Variants in TBX4 observed in about 807,000 individuals in gnomAD.
The protein encoded by TBX4 is T-box transcription factor 4.
TBX4 carries 13 observed loss-of-function variants against 54.6 expected under a neutral mutation model. That is an observed-to-expected ratio of 0.24 (90% CI 0.15 to 0.38). The LOEUF is 0.38. Ranked by LOEUF, TBX4 falls within the 10% of genes least tolerant of loss-of-function variation. The pLI is 1.00. For missense variants in TBX4, 631 were observed against 728.5 expected (o/e 0.87, Z 1.54); for synonymous variants, 314 against 306.7 (o/e 1.02, Z -0.25).
In TBX4 at chr17:61,480,018, C is replaced by T. The variant is rs200031755; in HGVS notation, c.791+49C>T. On this transcript the variant is annotated intron_variant, in intron 7 of 8. Coordinates refer to ENST00000644296, the MANE Select transcript of TBX4 (RefSeq NM_001321120.2). The surrounding 1 kb of genome is among the most constrained non-coding windows in gnomAD (Gnocchi z 6.2). ...GGGGCGGGCAGATGGGATTCAGGCA[C>T]GTGGCCTCTGTGACCCTCGATGTAT... The T allele has an allele frequency of 4.2e-5, 68 of 1,611,862 alleles. No individual in the cohort carries two copies. The highest frequency in any genetic ancestry group is 6.7e-5 in the Admixed American group (4 of 60,028).
rs1425372905 is a variant in TBX4 at position 61,462,833 on chromosome 17, A to G, written c.282-2986A>G. On this transcript the variant is annotated intron_variant, in intron 3 of 8. Transcript: ENST00000644296. This position sits in a 1 kb window ranked among gnomAD's most constrained non-coding sequence, Gnocchi z 4.5. ...CTCACTCCATCATTTCAAACCTTTCATGAGAGAGGCAGAGCTCACAGGAAG... is the reference window on the plus strand; with the variant it reads ...CTCACTCCATCATTTCAAACCTTTCGTGAGAGAGGCAGAGCTCACAGGAAG... The G allele has an allele frequency of 1.3e-5, 2 of 152,282 alleles. No individual in the cohort carries two copies. Among genetic ancestry groups the G allele is most frequent in the African/African-American group, 4.8e-5 (2 of 41,466 alleles). 9.4% of individuals were successfully genotyped at this position (152,282 alleles called of 1,614,324 possible).
chr17:61,467,445 G>T, intron 4 of TBX4, 65 bp from the exon 5 acceptor site: 1 of 1,605,028 alleles, frequency 6.2e-7, no homozygotes, highest in Non-Finnish European at 8.5e-7. Flanking sequence ...CTCCAAGAGG[G>T]GACGGGGAAT....
At chr17:61,477,954 A>G (rs1205157300) in intron 5 of TBX4, among the ~76,000 whole-genome samples, 2 of 151,704 alleles carry the variant, frequency 1.3e-5, no homozygotes, top group African/African-American at 2.4e-5. Context: ...AAAAAAAAAA[A>G]AAAAAGAAAA....
In TBX4 at chr17:61,465,936, A is replaced by T. The variant is rs147644451; in HGVS notation, c.399A>T (p.Lys133Asn). The T allele has an allele frequency of 3.3e-4, 537 of 1,613,656 alleles. No individual in the cohort carries two copies. The highest frequency in any genetic ancestry group is 4.0e-4 in the Non-Finnish European group (473 of 1,179,780). Residue 133 changes from lysine to asparagine, a missense_variant and splice_region_variant, in exon 4 of 9, where the codon AAA (lysine) becomes AAT (asparagine). Physicochemically the swap from Lys to Asn is moderately conservative, Grantham distance 94. Coordinates refer to ENST00000644296, the MANE Select transcript of TBX4 (RefSeq NM_001321120.2). The surrounding 1 kb of genome is among the most constrained non-coding windows in gnomAD (Gnocchi z 4.9). ...ATCGCTACAAGTTCTGTGACAACAA[A>T]TGGTAAGTGGACCCTGACCGCATCA... is the stretch of plus-strand genomic sequence containing the variant. ...DDHRYKFCDN[K>N]WMVAGKAEPA...
intron 5 of TBX4, among the ~76,000 whole-genome samples, chr17:61,471,910 T>TA (rs56772275): frequency 5.6e-5 from 8 of 143,390 alleles, no homozygotes; most frequent in East Asian, 2.0e-4. Flanking sequence ...TTTTTTTTTT[T>TA]TTTTTTTTTT....
chr17:61,476,762 A>C lies in TBX4; in HGVS notation c.550-1865A>C, dbSNP rs553220456. 2.7e-3 allele frequency among the ~76,000 whole-genome samples: 405 copies of C among 152,226 alleles called. 4 individuals carry two copies. Among genetic ancestry groups the C allele is most frequent in the African/African-American group, 9.2e-3 (381 of 41,538 alleles). ...GTTTGTCACTGAGGGCTGAGGCGGG[A>C]GTGGCCAGTGCAGAAGGCAGAAAGT... On this transcript the variant is annotated intron_variant, in intron 5 of 8. Coordinates refer to ENST00000644296, the MANE Select transcript of TBX4 (RefSeq NM_001321120.2). The surrounding 1 kb of genome is among the most constrained non-coding windows in gnomAD (Gnocchi z 6.5).
Position 61,456,561 on chromosome 17 carries a change from C to T in TBX4, c.71C>T (p.Ala24Val), listed in dbSNP as rs573485618. 2.2e-4 allele frequency: 341 copies of T among 1,546,928 alleles called. 6 individuals are homozygous for T. The South Asian group carries it at 3.1e-3, about 14-fold the overall frequency. The change falls in exon 2 of 9, where the codon GCC becomes GTC. Residue 24 changes from alanine (A) to valine (V), a missense_variant. This residue lies in a region of TBX4 where 123 missense variants were observed against 120.9 expected (regional missense o/e 1.02). Coordinates refer to ENST00000644296, the MANE Select transcript of TBX4 (RefSeq NM_001321120.2). ...FRAPGPALGE[A>V]SAANAPEPAL... ...GCCCCGGGCCCAGCGCTCGGAGAGGCCAGCGCAGCCAACGCCCCCGAGCCC... is the reference window on the plus strand; with the variant it reads ...GCCCCGGGCCCAGCGCTCGGAGAGGTCAGCGCAGCCAACGCCCCCGAGCCC...
chr17:61,467,000 A>G (rs976736014), intron 4 of TBX4, among the ~76,000 whole-genome samples: 3 of 152,144 alleles, frequency 2.0e-5, no homozygotes, highest in African/African-American at 4.8e-5. Context: ...TCTGTAAAAA[A>G]TGTAAAAAGT....
At position 61,479,504 on chromosome 17, in the gene TBX4, C is replaced by A. The variant is rs913760284; in HGVS notation, c.703-377C>A. On this transcript the variant is annotated intron_variant, in intron 6 of 8. Coordinates refer to ENST00000644296, the MANE Select transcript of TBX4 (RefSeq NM_001321120.2). The surrounding 1 kb of genome is among the most constrained non-coding windows in gnomAD (Gnocchi z 6.1). ...TCAGGCAGCAGGCCCGGGATGCTCA[C>A]TGGGAAGATGTTACAGGTCCCCAGG... 1.3e-5 allele frequency among the ~76,000 whole-genome samples: 2 copies of A among 152,216 alleles called. No homozygotes were observed. The highest frequency in any genetic ancestry group is 4.8e-5 in the African/African-American group (2 of 41,456).
In TBX4 at chr17:61,456,510, T is replaced by C. The variant is rs1434816826; in HGVS notation, c.20T>C (p.Leu7Pro). The stretch of plus-strand genomic sequence containing the variant: ...CAGGAGATGCTGCAGGATAAGGGCC[T>C]GTCCGAGAGCGAGGAGGCCTTCCGG... The part of the protein sequence containing the change: MLQDKG[L>P]SESEEAFRAP... Residue 7 changes from leucine to proline, a missense_variant, in exon 2 of 9, where the codon CTG (leucine) becomes CCG (proline). Physicochemically the swap from Leu to Pro is moderately conservative, Grantham distance 98 (BLOSUM62 -3). Coordinates refer to ENST00000644296, the MANE Select transcript of TBX4 (RefSeq NM_001321120.2). 6.4e-7 allele frequency: 1 copy of C among 1,568,646 alleles called. No homozygotes were observed. The highest frequency in any genetic ancestry group is 8.6e-7 in the Non-Finnish European group (1 of 1,157,410).
chr17:61,458,718 T>G (rs1485517205), intron 3 of TBX4, among the ~76,000 whole-genome samples: 3 of 152,210 alleles, frequency 2.0e-5, no homozygotes, highest in Non-Finnish European at 4.4e-5. Flanking sequence ...ACATTGTATG[T>G]AAAGCACCAA....
In TBX4 at chr17:61,483,547, G is replaced by C; in HGVS notation, c.*31G>C. 1 of 1,613,478 alleles carries C rather than the reference G, an allele frequency of 6.2e-7. No homozygotes were observed. Among genetic ancestry groups the C allele is most frequent in the Admixed American group, 1.7e-5 (1 of 59,994 alleles). On this transcript the variant is annotated 3_prime_UTR_variant, in exon 9 of 9. Coordinates refer to ENST00000644296, the MANE Select transcript of TBX4 (RefSeq NM_001321120.2). This position sits in a 1 kb window ranked among gnomAD's most constrained non-coding sequence, Gnocchi z 6.6. ...ACGTCTCCTCCATAGCCCCGGGACC[G>C]TGTTGCTCCAGTATTAACCTCTGTG... is the stretch of plus-strand genomic sequence containing the variant.
rs1246828347 is a variant in TBX4, at chr17:61,465,371, G to A, written c.282-448G>A. Among the ~76,000 whole-genome samples, 2 of 152,200 alleles carry A rather than the reference G, an allele frequency of 1.3e-5. No homozygotes were observed. The highest frequency in any genetic ancestry group is 1.9e-4 in the East Asian group (1 of 5,198). ...ATGGAAGCAGCTGACGGGGGTTTCC[G>A]TCCCCCTATAACTGCACCCCAGAAC... On this transcript the variant is annotated intron_variant, in intron 3 of 8. Coordinates refer to ENST00000644296, the MANE Select transcript of TBX4 (RefSeq NM_001321120.2). This position sits in a 1 kb window ranked among gnomAD's most constrained non-coding sequence, Gnocchi z 4.9.
At position 61,478,223 on chromosome 17, in the gene TBX4, G is replaced by A. The variant is rs976470389; in HGVS notation, c.550-404G>A. 23 of 296,470 alleles carry A rather than the reference G, an allele frequency of 7.8e-5. No individual in the cohort carries two copies. Among genetic ancestry groups the A allele is most frequent in the African/African-American group, 3.9e-4 (18 of 46,242 alleles). 18.4% of individuals were successfully genotyped at this position (296,470 alleles called of 1,614,324 possible). The stretch of plus-strand genomic sequence containing the variant: ...GGAAACTGAGGCACAGAGAAGCCCA[G>A]TGACTTGTCTGAGATCAAACAGTGA... On this transcript the variant is annotated intron_variant, in intron 5 of 8. Transcript: ENST00000644296. This position sits in a 1 kb window ranked among gnomAD's most constrained non-coding sequence, Gnocchi z 7.4.
At chr17:61,467,384 A>G in intron 4 of TBX4, 126 bp from the exon 5 acceptor site, 1 of 1,076,112 alleles carries the variant, frequency 9.3e-7, no homozygotes, top group Non-Finnish European at 1.4e-6. Context: ...TACTAATTTG[A>G]CAATGTGGTG....
rs1228351573 is a variant in TBX4 at position 61,467,517 on chromosome 17, G to A, written c.409G>A (p.Ala137Thr). The change falls in exon 5 of 9, where the codon GCA (alanine) becomes ACA (threonine). Residue 137 changes from alanine to threonine, a missense_variant. Coordinates refer to ENST00000644296, the MANE Select transcript of TBX4 (RefSeq NM_001321120.2). ...TATCTGCTCTGTTGGCAGGATGGTG[G>A]CAGGGAAGGCTGAGCCAGCCATGCC... is the stretch of plus-strand genomic sequence containing the variant. ...YKFCDNKWMV[A>T]GKAEPAMPGR... 6.2e-7 allele frequency: 1 copy of A among 1,614,154 alleles called. No individual in the cohort carries two copies. The highest frequency in any genetic ancestry group is 2.2e-5 in the East Asian group (1 of 44,890).
Position 61,463,936 on chromosome 17 carries a change from G to A in TBX4, c.282-1883G>A, listed in dbSNP as rs759793565. Among the ~76,000 whole-genome samples the A allele has an allele frequency of 6.6e-4, 100 of 152,290 alleles. 1 individual carries two copies. Among genetic ancestry groups the A allele is most frequent in the African/African-American group, 2.3e-3 (95 of 41,554 alleles). ...GGCCCACCAGGAGAGAGGCAGGGCCGGGAAAGGGTGGTGCAAGATCCAGCT... is the reference window on the plus strand; with the variant it reads ...GGCCCACCAGGAGAGAGGCAGGGCCAGGAAAGGGTGGTGCAAGATCCAGCT... On this transcript the variant is annotated intron_variant, in intron 3 of 8. Coordinates refer to ENST00000644296, the MANE Select transcript of TBX4 (RefSeq NM_001321120.2).
rs2060496112 is a variant in TBX4, at chr17:61,461,833, G to C, written c.282-3986G>C. On this transcript the variant is annotated intron_variant, in intron 3 of 8. Transcript: ENST00000644296. The surrounding 1 kb of genome is among the most constrained non-coding windows in gnomAD (Gnocchi z 5.1). ...CTGGTGTTCCCCTACATTAAGGGAG[G>C]GTCCGTGTAGCTGTTCCTGGAGTCC... Among the ~76,000 whole-genome samples, 1 of 152,100 alleles carries C rather than the reference G, an allele frequency of 6.6e-6. No individual in the cohort carries two copies. The highest frequency in any genetic ancestry group is 1.5e-5 in the Non-Finnish European group (1 of 68,002).
In TBX4 at chr17:61,457,098, G is replaced by C. The variant is rs1236052729; in HGVS notation, c.186+422G>C. The stretch of plus-strand genomic sequence containing the variant: ...TCCGAGGCCTCTGGGACGTCGCCGA[G>C]GGCTTCACAGTGATAATCGGACGAT... On this transcript the variant is annotated intron_variant, in intron 2 of 8. Transcript: ENST00000644296. The surrounding 1 kb of genome is among the most constrained non-coding windows in gnomAD (Gnocchi z 8.2). Among the ~76,000 whole-genome samples, 1 of 152,210 alleles carries C rather than the reference G, an allele frequency of 6.6e-6. No homozygotes were observed. Among genetic ancestry groups the C allele is most frequent in the Admixed American group, 6.5e-5 (1 of 15,290 alleles).
Sources: allele counts gnomAD v4.1 joint callset (sites outside exome capture counted in the v4.1 genomes callset), GRCh38; gene constraint gnomAD v4.1.1; regional missense constraint gnomAD v4.1.1; non-coding constraint Gnocchi (gnomAD v3.1); transcripts MANE v1.5; gene names NCBI Gene and HGNC (gene_info 2026-07-23, HGNC 2026-07-21).